The following NCAM2 variants were observed in gnomAD, a reference collection of about 807,000 sequenced individuals.
NCAM2 encodes the protein N-CAM-2.
A neutral mutation model predicts 98.1 loss-of-function variants in NCAM2; 30 were observed. The ratio of observed to expected loss-of-function variants is 0.31; its 90% CI spans 0.23 to 0.41. NCAM2 has a LOEUF of 0.41. Among genes scored for constraint, NCAM2 ranks in the 10% least tolerant of loss-of-function variants. The pLI, the probability that NCAM2 is intolerant of heterozygous loss-of-function variation, is 1.00. For synonymous variants in NCAM2, 368 were observed against 342.4 expected (o/e 1.07, Z -0.83); for missense variants, 867 against 1,005.8 (o/e 0.86, Z 1.87).
chr21:21,145,454 A>T lies in NCAM2; in HGVS notation c.56-135124A>T, dbSNP rs138857331. ...CAATGATGATAACAATCTTCATAAA[A>T]ATTCTTTTGTCCATCAAAGTATGCA... On this transcript the variant is annotated intron_variant, in intron 1 of 17. Coordinates refer to ENST00000400546, the MANE Select transcript of NCAM2 (RefSeq NM_004540.5). Among the ~76,000 whole-genome samples, 391 of 152,302 alleles carry T rather than the reference A, an allele frequency of 2.6e-3. 6 individuals carry two copies. The highest frequency in any genetic ancestry group is 9.2e-3 in the African/African-American group (383 of 41,580).
intron 8 of NCAM2, among the ~76,000 whole-genome samples, chr21:21,343,389 A>ACACG (rs1339975441): frequency 6.6e-6 from 1 of 151,576 alleles, no homozygotes; most frequent in Non-Finnish European, 1.5e-5. Flanking sequence ...ACACACACAC[A>ACACG]CACACAATCT....
At chr21:21,476,869 C>T (rs1165735032) in intron 14 of NCAM2, among the ~76,000 whole-genome samples, 1 of 151,840 alleles carries the variant, frequency 6.6e-6, no homozygotes, top group Non-Finnish European at 1.5e-5. Flanking sequence ...TTCTTCCCCC[C>T]AAAAAACTTT....
intron 12 of NCAM2, among the ~76,000 whole-genome samples, chr21:21,463,403 G>C (rs9980359): frequency 6.6e-6 from 1 of 151,930 alleles, no homozygotes; most frequent in African/African-American, 2.4e-5. Context: ...CTGCATTCAC[G>C]AATCAAAAAC....
At chr21:21,470,571 C>T (rs953065862) in intron 14 of NCAM2, among the ~76,000 whole-genome samples, 7 of 152,026 alleles carry the variant, frequency 4.6e-5, no homozygotes, top group African/African-American at 9.7e-5. Flanking sequence ...TCCGTTTTCT[C>T]GCCTTTCTCT....
At chr21:21,456,575 T>C (rs1429502762) in intron 12 of NCAM2, among the ~76,000 whole-genome samples, 1 of 152,106 alleles carries the variant, frequency 6.6e-6, no homozygotes, top group African/African-American at 2.4e-5. Flanking sequence ...TTTAAAAAGA[T>C]CTTACACCAT....
At chr21:21,353,732 T>C (rs2075400344) in intron 8 of NCAM2, among the ~76,000 whole-genome samples, 1 of 152,172 alleles carries the variant, frequency 6.6e-6, no homozygotes, top group Admixed American at 6.5e-5. Context: ...GTTTTTTCCT[T>C]CTTTGGGCCA....
intron 17 of NCAM2, among the ~76,000 whole-genome samples, chr21:21,535,385 A>T (rs2826882): frequency 0.61 from 92,440 of 151,968 alleles, 28,523 homozygotes; most frequent in Admixed American, 0.69. Flanking sequence ...TGCACCAAAA[A>T]AACTTTTTAA....
At position 21,037,190 on chromosome 21, in the gene NCAM2, G is replaced by A. The variant is rs1027605663; in HGVS notation, c.55+38572G>A. ...ACTACAGGCCTGCGCCACCACGCCT[G>A]GCTATTGTTTGTATTTTTTGTAGAC... is the stretch of plus-strand genomic sequence containing the variant. On this transcript the variant is annotated intron_variant, in intron 1 of 17. Transcript: ENST00000400546. Among the ~76,000 whole-genome samples the A allele has an allele frequency of 4.6e-5, 7 of 152,240 alleles. 1 individual carries two copies. The South Asian group carries it at 1.4e-3, about 32-fold the overall frequency.
intron 5 of NCAM2, among the ~76,000 whole-genome samples, chr21:21,301,031 C>A (rs1293896659): frequency 1.3e-5 from 2 of 151,960 alleles, no homozygotes; most frequent in Non-Finnish European, 2.9e-5. Flanking sequence ...AATATATCTT[C>A]TTTTGAGAAG....
intron 1 of NCAM2, among the ~76,000 whole-genome samples, chr21:21,027,072 G>T (rs1361453472): frequency 6.6e-6 from 1 of 151,810 alleles, no homozygotes; most frequent in Non-Finnish European, 1.5e-5. Flanking sequence ...TGGCCAGGCC[G>T]GTCTTCAACT....
intron 12 of NCAM2, among the ~76,000 whole-genome samples, chr21:21,452,786 TTATATATAAAATATAGTATTACTTTATA>T (rs1185235256): frequency 2.5e-5 from 2 of 80,430 alleles, no homozygotes; most frequent in African/African-American, 1.0e-4. Flanking sequence ...TAGTATTACT[TTATATATAAAATATAGTATTACTTTATA>T]TATTATATAA....
At chr21:21,492,156 G>A (rs991625991) in intron 15 of NCAM2, among the ~76,000 whole-genome samples, 42 of 151,882 alleles carry the variant, frequency 2.8e-4, no homozygotes, top group African/African-American at 9.6e-4. Context: ...TCAACAAACT[G>A]AGGATCAGAA....
At chr21:21,050,000 A>G (rs2065074751) in intron 1 of NCAM2, among the ~76,000 whole-genome samples, 1 of 152,172 alleles carries the variant, frequency 6.6e-6, no homozygotes, top group Non-Finnish European at 1.5e-5. Context: ...TCATTTCCTT[A>G]GGTTAATGGA....
rs1990213793 is a variant in NCAM2 at position 21,541,112 on chromosome 21, T to A, written c.*3155T>A. On this transcript the variant is annotated 3_prime_UTR_variant, in exon 18 of 18. Coordinates refer to ENST00000400546, the MANE Select transcript of NCAM2 (RefSeq NM_004540.5). Reference sequence around the variant, plus strand: ...GAATTAAATATTTATATAAATAGATTTTATTAATCAAATTATTTATTTGTG... The same window carrying A: ...GAATTAAATATTTATATAAATAGATATTATTAATCAAATTATTTATTTGTG... The A allele has an allele frequency of 2.0e-5, 3 of 149,652 alleles. No homozygotes were observed. The highest frequency in any genetic ancestry group is 1.3e-4 in the Admixed American group (2 of 14,952). The allele number at this position is 149,652 out of a possible 1,614,324, so 9.3% of individuals were successfully genotyped here. A position where few individuals can be genotyped will look rare whatever the true frequency, so the allele number is the denominator to read the frequency against.
chr21:21,026,054 G>T (rs1254912422), intron 1 of NCAM2, among the ~76,000 whole-genome samples: 1 of 152,172 alleles, frequency 6.6e-6, no homozygotes, highest in African/African-American at 2.4e-5. Flanking sequence ...CTCAAGGCGA[G>T]AAATAAGTTT....
intron 1 of NCAM2, among the ~76,000 whole-genome samples, chr21:21,021,998 AAG>A (rs1219536167): frequency 6.6e-6 from 1 of 152,142 alleles, no homozygotes; most frequent in Non-Finnish European, 1.5e-5. Flanking sequence ...CTTAGAATAA[AAG>A]AAGAGATTGA....
chr21:21,532,440 T>C (rs1264015849), intron 16 of NCAM2, among the ~76,000 whole-genome samples: 4 of 152,116 alleles, frequency 2.6e-5, no homozygotes, highest in African/African-American at 9.6e-5. Flanking sequence ...AAAATAAGAA[T>C]TGTAAAGGCT....
intron 1 of NCAM2, among the ~76,000 whole-genome samples, chr21:21,115,933 C>T (rs2066544086): frequency 1.3e-5 from 2 of 148,950 alleles, no homozygotes; most frequent in African/African-American, 5.0e-5. Context: ...GAGTTCAGGG[C>T]TTCAGGTCCG....
intron 1 of NCAM2, among the ~76,000 whole-genome samples, chr21:21,250,036 T>C (rs1422145173): frequency 6.6e-6 from 1 of 152,162 alleles, no homozygotes; most frequent in South Asian, 2.1e-4. Context: ...AAATGTGCAG[T>C]AATAGGTTCG....
Sources: gnomAD v4.1 joint callset for allele counts (sites outside exome capture counted in the v4.1 genomes callset) on GRCh38, gnomAD v4.1.1 for gene constraint, MANE v1.5 for transcripts, NCBI Gene and HGNC (gene_info 2026-07-23, HGNC 2026-07-21) for gene names.